SMPD4: variants seen among roughly 807,000 people sequenced by gnomAD.
The protein encoded by SMPD4 is sphingomyelin phosphodiesterase 4.
A neutral mutation model predicts 97.8 loss-of-function variants in SMPD4; 58 were observed. That is an observed-to-expected ratio of 0.59 (90% CI 0.48 to 0.74). SMPD4 has a LOEUF of 0.74. Among genes scored for constraint, SMPD4 ranks in the 30% least tolerant of loss-of-function variants. SMPD4 has a pLI of 0.00. For synonymous variants in SMPD4, 388 were observed against 450.0 expected, an observed-to-expected ratio of 0.86 and a Z score of 1.74; for missense variants, 853 against 1,080.5, an observed-to-expected ratio of 0.79 and a Z score of 2.95.
chr2:130,152,278 G>C lies in SMPD4; in HGVS notation c.*277C>G. The C allele has an allele frequency of 2.7e-6, 1 of 377,020 alleles. No individual in the cohort carries two copies. The highest frequency in any genetic ancestry group is 4.8e-6 in the Non-Finnish European group (1 of 209,330). The allele number at this position is 377,020 out of a possible 1,614,324, so 23.4% of individuals were successfully genotyped here. A position where few individuals can be genotyped will look rare whatever the true frequency, so the allele number is the denominator to read the frequency against. On this transcript the variant is annotated 3_prime_UTR_variant, in exon 20 of 20. Coordinates refer to ENST00000680298, the MANE Select transcript of SMPD4 (RefSeq NM_017951.5). ...AAAGGCCCCGAGAGCTGGCTTGGCC[G>C]TGAGTCCTTGGCGGAGGGAGGGAAA...
intron 2 of SMPD4, among the ~76,000 whole-genome samples, chr2:130,176,215 T>C (rs1186945298): frequency 6.6e-6 from 1 of 152,236 alleles, no homozygotes; most frequent in Non-Finnish European, 1.5e-5. Context: ...TGACTGATTA[T>C]TAGAATACTT....
At position 130,152,181 on chromosome 2, in the gene SMPD4, C is replaced by A. The variant is rs1360494118; in HGVS notation, c.*374G>T. 2.8e-5 allele frequency: 6 copies of A among 210,644 alleles called. No homozygotes were observed. The highest frequency in any genetic ancestry group is 5.7e-5 in the Non-Finnish European group (6 of 104,792). 13.0% of individuals were successfully genotyped at this position (210,644 alleles called of 1,614,324 possible). A position where few individuals can be genotyped will look rare whatever the true frequency, so the allele number is the denominator to read the frequency against. The stretch of plus-strand genomic sequence containing the variant: ...CCTCAAGGCCAGCCAGTGGGGAGGC[C>A]AGGCCCAGGTGGCTGTTGGCAGGCT... On this transcript the variant is annotated 3_prime_UTR_variant, in exon 20 of 20. Coordinates refer to ENST00000680298, the MANE Select transcript of SMPD4 (RefSeq NM_017951.5).
chr2:130,179,128 T>TA (rs1163906789), intron 1 of SMPD4, among the ~76,000 whole-genome samples: 1 of 150,786 alleles, frequency 6.6e-6, no homozygotes, highest in Non-Finnish European at 1.5e-5. Flanking sequence ...AATTCTTTTT[T>TA]TTTTTTTTTT....
Position 130,154,334 on chromosome 2 carries a change from G to C in SMPD4, c.1602C>G (p.Ser534Arg), listed in dbSNP as rs142382388. 5 of 1,611,242 alleles carry C rather than the reference G, an allele frequency of 3.1e-6. No homozygotes were observed. Among genetic ancestry groups the C allele is most frequent in the Non-Finnish European group, 3.4e-6 (4 of 1,178,942 alleles). ...TGTACTTGCAGTCCTGGCCCTCCAG[G>C]CTGTAGACGTGGCTCTTCACCTTGA... ...ASFKVKSHVY[S>R]LEGQDCKYTP... The change falls in exon 16 of 20, where the codon AGC becomes AGG. Residue 534 changes from serine to arginine, a missense_variant. Ser to Arg is a moderately radical substitution (Grantham distance 110). Coordinates refer to ENST00000680298, the MANE Select transcript of SMPD4 (RefSeq NM_017951.5).
intron 11 of SMPD4, chr2:130,158,195 C>T: frequency 2.3e-6 from 3 of 1,286,346 alleles, no homozygotes; most frequent in Non-Finnish European, 3.0e-6. Context: ...TGCTCCTCAT[C>T]CTGGACACAG....
At chr2:130,175,919 C>T (rs979556629) in intron 2 of SMPD4, among the ~76,000 whole-genome samples, 4 of 152,156 alleles carry the variant, frequency 2.6e-5, no homozygotes, top group African/African-American at 9.7e-5. Flanking sequence ...TTTACAAAAA[C>T]ACCTCCTAAG....
In SMPD4 at chr2:130,159,304, T is replaced by C. The variant is rs184235243; in HGVS notation, c.951+1882A>G. 2.7e-3 allele frequency among the ~76,000 whole-genome samples: 418 copies of C among 152,246 alleles called. 1 individual carries two copies. Among genetic ancestry groups the C allele is most frequent in the African/African-American group, 9.0e-3 (375 of 41,560 alleles). On this transcript the variant is annotated intron_variant, in intron 11 of 19. Transcript: ENST00000680298. ...GCCATCGTGGCTGGCTATTTTTCTC[T>C]ATCTGTATTGTTAAGTCTTTGGGCA...
rs759612090 is a variant in SMPD4, at chr2:130,155,978, G to C, written c.1289+57C>G. On this transcript the variant is annotated intron_variant, in intron 14 of 19. Transcript: ENST00000680298. ...CCGCTGGCTTGGCCTCCACCCACTG[G>C]AACAATATCCACCTGGGGGAGCCAG... 517 of 1,563,546 alleles carry C rather than the reference G, an allele frequency of 3.3e-4. 1 individual carries two copies. Among genetic ancestry groups the C allele is most frequent in the Non-Finnish European group, 4.1e-4 (471 of 1,140,350 alleles).
chr2:130,181,433 C>A, intron 1 of SMPD4, 97 bp downstream of exon 1: 1 of 1,518,270 alleles, frequency 6.6e-7, no homozygotes, highest in Non-Finnish European at 8.8e-7. Context: ...CGGCCCGAGT[C>A]CTGGGGCTCG....
At chr2:130,162,216 AGCTG>A (rs1687497822) in intron 10 of SMPD4, among the ~76,000 whole-genome samples, 3 of 152,250 alleles carry the variant, frequency 2.0e-5, no homozygotes, top group Admixed American at 2.0e-4. Context: ...CCTGAGGCTG[AGCTG>A]GCTCCTAGCC....
chr2:130,159,695 T>C (rs1039176398), intron 11 of SMPD4: 8 of 150,756 alleles, frequency 5.3e-5, no homozygotes, highest in Non-Finnish European at 7.4e-5. Context: ...CCTGTACCTA[T>C]ACTGCCCAAC....
chr2:130,174,908 C>T lies in SMPD4; in HGVS notation c.126+6G>A. 1 of 1,583,138 alleles carries T rather than the reference C, an allele frequency of 6.3e-7. No individual in the cohort carries two copies. The highest frequency in any genetic ancestry group is 8.7e-7 in the Non-Finnish European group (1 of 1,152,392). The stretch of plus-strand genomic sequence containing the variant: ...GCTCCAAAGAGAGACGTTAGCAGAG[C>T]TATACCTTTGCTGGAAAGTCCTCAA... On this transcript the variant is annotated splice_donor_region_variant and intron_variant, in intron 3 of 19. Transcript: ENST00000680298.
At chr2:130,169,250 G>A (rs897335800) in intron 8 of SMPD4, among the ~76,000 whole-genome samples, 1 of 152,160 alleles carries the variant, frequency 6.6e-6, no homozygotes, top group African/African-American at 2.4e-5. Context: ...AAAGGCAAGG[G>A]ACCATTCCTG....
rs1686765839 is a variant in SMPD4, at chr2:130,156,131, A to T, written c.1193T>A (p.Leu398Gln). The T allele has an allele frequency of 1.9e-6, 3 of 1,609,736 alleles. No homozygotes were observed. The highest frequency in any genetic ancestry group is 2.5e-6 in the Non-Finnish European group (3 of 1,178,528). ...WPLDASFRAV[L>Q]EMWLSYLQPW... is the part of the protein sequence containing the mutation. ...CTGCAGGTAGCTCAGCCACATCTCC[A>T]GGACCTGTGGGGGAGGTGTGTGCTA... is the stretch of plus-strand genomic sequence containing the variant. Residue 398 changes from leucine to glutamine, a missense_variant, in exon 14 of 20, where the codon CTG (leucine) becomes CAG (glutamine). Physicochemically the swap from Leu to Gln is moderately radical, Grantham distance 113. This residue lies in a region of SMPD4 where 511 missense variants were observed against 608.1 expected (regional missense o/e 0.84). Transcript: ENST00000680298.
intron 17 of SMPD4, 97 bp downstream of exon 17, chr2:130,153,605 G>T: frequency 1.3e-6 from 2 of 1,546,990 alleles, no homozygotes; most frequent in Non-Finnish European, 1.8e-6. Context: ...TATGTGTGGG[G>T]CCTGGGACTG....
chr2:130,172,645 A>G lies in SMPD4; in HGVS notation c.487T>C (p.Leu163=), dbSNP rs1375907665. ...PFEYYIFFFA[L]SLITQKPLPV... ...CTTACCTTCTGAGTGATGAGGCTCA[A>G]GGCAAAGAAGAATATGTAATACTCG... Residue 163 remains leucine, a synonymous_variant, in exon 7 of 20, where the codon TTG becomes CTG. Transcript: ENST00000680298. 6.2e-7 allele frequency: 1 copy of G among 1,614,208 alleles called. No homozygotes were observed. The highest frequency in any genetic ancestry group is 1.7e-5 in the Admixed American group (1 of 60,026).
At chr2:130,181,729 A>C (rs1376632544), upstream of SMPD4, 1 of 1,548,904 alleles carries the variant, frequency 6.5e-7, no homozygotes, top group East Asian at 2.4e-5. Context: ...ATGGCGAGGC[A>C]GGAGTGCGGG....
chr2:130,173,129 A>G (rs1688637287), intron 5 of SMPD4, 150 bp downstream of exon 5: 1 of 1,006,838 alleles, frequency 9.9e-7, no homozygotes, highest in Non-Finnish European at 1.5e-6. Flanking sequence ...GGTAGCAGTC[A>G]TGCAATACCC....
rs535721249 is a variant in SMPD4, at chr2:130,167,541, G to A, written c.709C>T (p.Leu237=). ...GTCTGATGAGAGATGTGTCGCTTTA[G>A]GAGGCTAGTGTGGTGGAGGCCATAG... ...ASYGLHHTSL[L]KRHISHQTSV... The change falls in exon 9 of 20, where the codon CTA becomes TTA. Residue 237 remains leucine (L), a synonymous_variant. Coordinates refer to ENST00000680298, the MANE Select transcript of SMPD4 (RefSeq NM_017951.5). 2.5e-6 allele frequency: 4 copies of A among 1,613,890 alleles called. No homozygotes were observed. The highest frequency in any genetic ancestry group is 1.7e-4 in the Middle Eastern group (1 of 6,050).
Sources: gnomAD v4.1 joint callset for allele counts (sites outside exome capture counted in the v4.1 genomes callset) on GRCh38, gnomAD v4.1.1 for gene constraint, gnomAD v4.1.1 regional missense constraint, MANE v1.5 for transcripts, NCBI Gene and HGNC (gene_info 2026-07-23, HGNC 2026-07-21) for gene names.